Variants in RASGRF2 observed in about 807,000 individuals in gnomAD.
RASGRF2 encodes the protein Ras protein specific guanine nucleotide releasing factor 2.
Under a neutral mutation model 151.0 loss-of-function variants are expected in RASGRF2, and 76 were observed. That is an observed-to-expected ratio of 0.50 (90% CI 0.42 to 0.61). The LOEUF (loss-of-function observed/expected upper bound fraction) is 0.61. RASGRF2 is among the 20% of genes least tolerant of loss of function. The pLI is 0.00. For missense variants in RASGRF2, 1,148 were observed against 1,564.6 expected, an observed-to-expected ratio of 0.73 and a Z score of 4.49; for synonymous variants, 504 against 566.5, an observed-to-expected ratio of 0.89 and a Z score of 1.57.
At chr5:81,103,351 A>G (rs573240623) in intron 12 of RASGRF2, among the ~76,000 whole-genome samples, 1 of 152,200 alleles carries the variant, frequency 6.6e-6, no homozygotes, top group South Asian at 2.1e-4. Context: ...GCTATAGCAT[A>G]TATTCTACAT....
chr5:80,989,967 C>A (rs1351652170), intron 1 of RASGRF2, among the ~76,000 whole-genome samples: 1 of 152,190 alleles, frequency 6.6e-6, no homozygotes, highest in Non-Finnish European at 1.5e-5. Flanking sequence ...GCTTATTGGA[C>A]TCGAGAATTC....
At chr5:80,993,490 A>G (rs1580176322) in intron 1 of RASGRF2, among the ~76,000 whole-genome samples, 1 of 152,306 alleles carries the variant, frequency 6.6e-6, no homozygotes, top group East Asian at 1.9e-4. Context: ...TGTTTCATCA[A>G]GGTCCTTTTT....
chr5:81,206,980 C>G, intron 20 of RASGRF2, 75 bp downstream of exon 20: 1 of 1,240,984 alleles, frequency 8.1e-7, no homozygotes, highest in South Asian at 1.2e-5. Flanking sequence ...ATGCTTGTAA[C>G]CGATCAAGGA....
At chr5:81,085,614 T>G (rs558134809) in intron 7 of RASGRF2, among the ~76,000 whole-genome samples, 188 bp from the exon 8 acceptor site, 21 of 149,088 alleles carry the variant, frequency 1.4e-4, no homozygotes, top group African/African-American at 4.4e-4. Flanking sequence ...TGGTGAAGTC[T>G]TTTTTTTGGT....
intron 2 of RASGRF2, among the ~76,000 whole-genome samples, chr5:81,053,864 C>A (rs1178352838): frequency 6.6e-6 from 1 of 152,212 alleles, no homozygotes; most frequent in Non-Finnish European, 1.5e-5. Context: ...ATTTGCATTT[C>A]TCTGACGGCC....
intron 18 of RASGRF2, among the ~76,000 whole-genome samples, chr5:81,181,397 T>C (rs1257749673): frequency 6.6e-6 from 1 of 152,206 alleles, no homozygotes; most frequent in Non-Finnish European, 1.5e-5. Flanking sequence ...TTAATTAAAG[T>C]AATAAAGATA....
Position 80,989,943 on chromosome 5 carries a change from T to C in RASGRF2, c.288+28917T>C, listed in dbSNP as rs574897056. ...CTATTTCCTCACTTCAGACCACTAT[T>C]GTTTGTCTGGATTGCTTATTGGACT... On this transcript the variant is annotated intron_variant, in intron 1 of 26. Transcript: ENST00000265080. 7.9e-5 allele frequency among the ~76,000 whole-genome samples: 12 copies of C among 152,278 alleles called. No individual in the cohort carries two copies. The South Asian group carries it at 2.3e-3, about 29-fold the overall frequency.
intron 17 of RASGRF2, among the ~76,000 whole-genome samples, chr5:81,127,622 C>G (rs1753493683): frequency 6.6e-6 from 1 of 152,000 alleles, no homozygotes; most frequent in African/African-American, 2.4e-5. Flanking sequence ...AAATGAGCAT[C>G]TTCAGAAATC....
chr5:81,140,793 A>G (rs921296271), intron 17 of RASGRF2, among the ~76,000 whole-genome samples: 3 of 152,104 alleles, frequency 2.0e-5, no homozygotes, highest in African/African-American at 4.8e-5. Context: ...CAAAGGTACA[A>G]TGTAGTTGAT....
intron 17 of RASGRF2, among the ~76,000 whole-genome samples, chr5:81,127,998 C>G (rs1486459393): frequency 6.9e-6 from 1 of 144,938 alleles, no homozygotes; most frequent in Non-Finnish European, 1.5e-5. Flanking sequence ...TATGGATGAA[C>G]CTGAAGGACA....
intron 17 of RASGRF2, among the ~76,000 whole-genome samples, chr5:81,169,475 T>G (rs1754593892): frequency 1.3e-5 from 2 of 152,174 alleles, no homozygotes; most frequent in Non-Finnish European, 2.9e-5. Flanking sequence ...TCCTTGGGGT[T>G]CCCCAGCTGG....
At chr5:81,030,182 C>T (rs1042389813) in intron 1 of RASGRF2, among the ~76,000 whole-genome samples, 1 of 152,164 alleles carries the variant, frequency 6.6e-6, no homozygotes, top group African/African-American at 2.4e-5. Context: ...GATTGGTGTA[C>T]CTGAAAGTGA....
intron 26 of RASGRF2, 135 bp from the exon 27 acceptor site, chr5:81,225,543 A>G (rs910069141): frequency 6.4e-5 from 86 of 1,338,442 alleles, no homozygotes; most frequent in Non-Finnish European, 8.4e-5. Context: ...CAATGGAAAC[A>G]TATTTATGAT....
At chr5:81,031,783 A>C (rs1470531856) in intron 1 of RASGRF2, among the ~76,000 whole-genome samples, 3 of 152,162 alleles carry the variant, frequency 2.0e-5, no homozygotes, top group Non-Finnish European at 2.9e-5. Context: ...AGCAGAAGGC[A>C]AAAAATAACT....
At chr5:81,042,410 G>A (rs1750704968) in intron 1 of RASGRF2, among the ~76,000 whole-genome samples, 1 of 152,218 alleles carries the variant, frequency 6.6e-6, no homozygotes, top group Non-Finnish European at 1.5e-5. Flanking sequence ...GCAAATGGCA[G>A]CAATTGGACT....
chr5:81,085,897 A>G lies in RASGRF2; in HGVS notation c.1257A>G (p.Leu419=), dbSNP rs1184734911. 16 of 1,614,062 alleles carry G rather than the reference A, an allele frequency of 9.9e-6. No individual in the cohort carries two copies. Among genetic ancestry groups the G allele is most frequent in the Non-Finnish European group, 1.4e-5 (16 of 1,180,028 alleles). ...GCCTGGAGTTTGCCAAATCAAAGCT[A>G]GAGGAACTATCCAGGTATGCCAAGA... The part of the protein sequence containing the change: ...RKSLEFAKSK[L]EELSRVMHDE... The change falls in exon 8 of 27, where the codon CTA becomes CTG. Residue 419 remains leucine (L), a synonymous_variant. Transcript: ENST00000265080.
chr5:81,093,062 CAG>C, intron 10 of RASGRF2, 101 bp downstream of exon 10: 2 of 1,252,868 alleles, frequency 1.6e-6, no homozygotes, highest in Non-Finnish European at 2.2e-6. Context: ...TATCATAAAA[CAG>C]ATTGTCATGA....
At chr5:80,997,185 A>G (rs1054740145) in intron 1 of RASGRF2, 6 of 152,200 alleles carry the variant, frequency 3.9e-5, no homozygotes, top group African/African-American at 1.4e-4. Flanking sequence ...AGGATGTCTT[A>G]GCAATTTACC....
intron 1 of RASGRF2, among the ~76,000 whole-genome samples, chr5:80,968,575 T>C (rs1372445250): frequency 6.6e-6 from 1 of 152,210 alleles, no homozygotes; most frequent in Admixed American, 6.5e-5. Context: ...GTTTCTTTCA[T>C]GTTATAATAA....
Sources: allele counts gnomAD v4.1 joint callset (sites outside exome capture counted in the v4.1 genomes callset), GRCh38; gene constraint gnomAD v4.1.1; transcripts MANE v1.5; gene names NCBI Gene and HGNC (gene_info 2026-07-23, HGNC 2026-07-21).